SOAT1: variants seen among roughly 807,000 people sequenced by gnomAD.
SOAT1 encodes the protein acyl-coenzyme A:cholesterol acyltransferase 1.
In SOAT1, 55 loss-of-function variants were observed where a neutral mutation model predicts 69.5. The ratio of observed to expected loss-of-function variants is 0.79; its 90% CI spans 0.64 to 0.99. The LOEUF (loss-of-function observed/expected upper bound fraction) is 0.99. SOAT1 is among the 50% of genes least tolerant of loss of function. The pLI, the probability that SOAT1 is intolerant of heterozygous loss-of-function variation, is 0.00. For synonymous variants in SOAT1, 231 were observed against 224.7 expected (o/e 1.03, Z -0.25); for missense variants, 580 against 669.3 (o/e 0.87, Z 1.47).
chr1:179,318,298 T>TA (rs1269215752), intron 2 of SOAT1, among the ~76,000 whole-genome samples: 6 of 151,846 alleles, frequency 4.0e-5, no homozygotes, highest in Admixed American at 1.3e-4. Flanking sequence ...AGTGTGAAAA[T>TA]AAGAAACTGT....
Position 179,300,070 on chromosome 1 carries a change from T to G in SOAT1, c.-8-2607T>G, listed in dbSNP as rs533598735. The stretch of plus-strand genomic sequence containing the variant: ...GCCACCGCACCCGGCTTCATTTTGC[T>G]GTCTTTTATGCTTTAAACTTTTGCT... On this transcript the variant is annotated intron_variant, in intron 1 of 15. Coordinates refer to ENST00000367619, the MANE Select transcript of SOAT1 (RefSeq NM_003101.6). Among the ~76,000 whole-genome samples, 363 of 152,002 alleles carry G rather than the reference T, an allele frequency of 2.4e-3. 3 individuals carry two copies. Among genetic ancestry groups the G allele is most frequent in the African/African-American group, 8.5e-3 (354 of 41,472 alleles).
At chr1:179,349,571 C>T (rs1299209537) in intron 13 of SOAT1, among the ~76,000 whole-genome samples, 1 of 152,132 alleles carries the variant, frequency 6.6e-6, no homozygotes, top group African/African-American at 2.4e-5. Flanking sequence ...AGGTGATCCG[C>T]CCGCCTCAGC....
In SOAT1 at chr1:179,357,156, C is replaced by G. The variant is rs1666935219; in HGVS notation, c.*3515C>G. On this transcript the variant is annotated 3_prime_UTR_variant, in exon 16 of 16. Transcript: ENST00000367619. Reference sequence around the variant, plus strand: ...TATCTTATCTCTAGGCTTTATGGCTCTGAAATGGAGGGAACTGGACATAAA... The same window carrying G: ...TATCTTATCTCTAGGCTTTATGGCTGTGAAATGGAGGGAACTGGACATAAA... 6.5e-6 allele frequency: 1 copy of G among 153,206 alleles called. No homozygotes were observed. The highest frequency in any genetic ancestry group is 2.4e-5 in the African/African-American group (1 of 41,422). 9.5% of individuals were successfully genotyped at this position (153,206 alleles called of 1,614,324 possible).
rs768033670 is a variant in SOAT1, at chr1:179,348,872, A to G, written c.1244A>G (p.Asn415Ser). ...KDWWNSTSYS[N>S]YYRTWNVVVH... ...TGGTGGAACTCCACGTCATACTCCA[A>G]CTATTATAGAACCTGGAATGTGGTG... The change falls in exon 13 of 16, where the codon AAC becomes AGC. Residue 415 changes from asparagine to serine, a missense_variant. Asn to Ser is a conservative substitution (Grantham distance 46). Transcript: ENST00000367619. 6.2e-7 allele frequency: 1 copy of G among 1,610,694 alleles called. No homozygotes were observed. The highest frequency in any genetic ancestry group is 8.5e-7 in the Non-Finnish European group (1 of 1,177,566).
chr1:179,322,550 T>C (rs1439123703), intron 2 of SOAT1, among the ~76,000 whole-genome samples: 1 of 152,156 alleles, frequency 6.6e-6, no homozygotes, highest in Non-Finnish European at 1.5e-5. Flanking sequence ...TAACTTTATC[T>C]GTTGGAATTC....
rs765009104 is a variant in SOAT1 at position 179,302,692 on chromosome 1, G to A, written c.8G>A (p.Gly3Asp). MV[G>D]EEKMSLRNRL... ...TCTTTCCTAGACAATACAATGGTGG[G>A]TGAAGAGAAGATGTCTCTAAGAAAC... Residue 3 changes from glycine (G) to aspartate (D), a missense_variant, in exon 2 of 16, where the codon GGT becomes GAT. Transcript: ENST00000367619. 6.3e-7 allele frequency: 1 copy of A among 1,596,800 alleles called. No homozygotes were observed. The highest frequency in any genetic ancestry group is 8.5e-7 in the Non-Finnish European group (1 of 1,174,982).
chr1:179,300,040 C>T (rs1306688484), intron 1 of SOAT1, among the ~76,000 whole-genome samples: 4 of 151,704 alleles, frequency 2.6e-5, no homozygotes, highest in Non-Finnish European at 5.9e-5. Flanking sequence ...GGATTACAGG[C>T]ATGAGCCACC....
Position 179,358,517 on chromosome 1 carries a change from T to A in SOAT1, c.*4876T>A, listed in dbSNP as rs905357861. ...CATGGAAAAAGGTGCCAATTTTGGA[T>A]TGGGAAAGGAGCTGAAGCCCCAGTC... On this transcript the variant is annotated 3_prime_UTR_variant, in exon 16 of 16. Transcript: ENST00000367619. 9 of 152,186 alleles carry A rather than the reference T, an allele frequency of 5.9e-5. No individual in the cohort carries two copies. Among genetic ancestry groups the A allele is most frequent in the African/African-American group, 1.9e-4 (8 of 41,450 alleles). 9.4% of individuals were successfully genotyped at this position (152,186 alleles called of 1,614,324 possible).
chr1:179,311,574 G>GT (rs201898279), intron 2 of SOAT1, among the ~76,000 whole-genome samples: 1 of 130,910 alleles, frequency 7.6e-6, no homozygotes, highest in East Asian at 3.0e-4. Context: ...CAAAAGGACT[G>GT]TTTTTAAAAA....
intron 3 of SOAT1, among the ~76,000 whole-genome samples, chr1:179,328,437 A>AAG (rs1665859571): frequency 6.6e-6 from 1 of 152,256 alleles, no homozygotes; most frequent in Non-Finnish European, 1.5e-5. Context: ...AGATATTTCA[A>AAG]TATAATAAAG....
chr1:179,294,315 G>GGAT (rs777129207), intron 1 of SOAT1: 1 of 152,202 alleles, frequency 6.6e-6, no homozygotes, highest in Non-Finnish European at 1.5e-5. Context: ...GTGAAGGGAA[G>GGAT]GATGGTATTA....
At chr1:179,327,232 T>C (rs2068234) in intron 3 of SOAT1, among the ~76,000 whole-genome samples, 34,084 of 152,126 alleles carry the variant, frequency 0.22, 4,665 homozygotes, top group East Asian at 0.38. Context: ...ACTTGGCTTG[T>C]TTTTTCACAT....
At chr1:179,295,361 C>T (rs1219399568) in intron 1 of SOAT1, among the ~76,000 whole-genome samples, 1 of 152,210 alleles carries the variant, frequency 6.6e-6, no homozygotes, top group African/African-American at 2.4e-5. Flanking sequence ...CTGGAAATCA[C>T]CCCATCCCCA....
At position 179,344,099 on chromosome 1, in the gene SOAT1, C is replaced by A. The variant is rs188770481; in HGVS notation, c.987+464C>A. 3.9e-3 allele frequency among the ~76,000 whole-genome samples: 597 copies of A among 151,316 alleles called. 2 individuals carry two copies. Among genetic ancestry groups the A allele is most frequent in the Non-Finnish European group, 4.1e-3 (280 of 67,836 alleles). ...TCACTCCTCTGCACTCCAGCCTGGG[C>A]GACAGAGCAAGACTCCATCTAAAAA... On this transcript the variant is annotated intron_variant, in intron 10 of 15. Coordinates refer to ENST00000367619, the MANE Select transcript of SOAT1 (RefSeq NM_003101.6).
intron 3 of SOAT1, among the ~76,000 whole-genome samples, chr1:179,328,133 T>A (rs1665851051): frequency 6.6e-6 from 1 of 152,194 alleles, no homozygotes; most frequent in Non-Finnish European, 1.5e-5. Context: ...AAGGTCTCAC[T>A]ATGTTGCCCA....
At chr1:179,306,207 TAAG>T (rs1338987444) in intron 2 of SOAT1, among the ~76,000 whole-genome samples, 1 of 152,102 alleles carries the variant, frequency 6.6e-6, no homozygotes, top group Non-Finnish European at 1.5e-5. Context: ...CAGAAGTAAG[TAAG>T]AAGATAAGGC....
chr1:179,335,680 T>A, intron 4 of SOAT1, 23 bp downstream of exon 4: 2 of 1,602,368 alleles, frequency 1.2e-6, no homozygotes. Context: ...TATTTTCTTT[T>A]AATGCAAACA....
rs979314178 is a variant in SOAT1, at chr1:179,347,754, A to T, written c.1215+57A>T. 12 of 1,014,830 alleles carry T rather than the reference A, an allele frequency of 1.2e-5. No homozygotes were observed. In the African/African-American group the frequency reaches 1.9e-4, roughly 16 times the overall value. The allele number at this position is 1,014,830 out of a possible 1,614,324, so 62.9% of individuals were successfully genotyped here. On this transcript the variant is annotated intron_variant, in intron 12 of 15. Transcript: ENST00000367619. ...ACATTTTATTAACTTCTTCATTATTAGTATTTTGACATTGTTGGCTAATGT... is the reference window on the plus strand; with the variant it reads ...ACATTTTATTAACTTCTTCATTATTTGTATTTTGACATTGTTGGCTAATGT...
chr1:179,342,266 C>CCTTCCCTT, intron 8 of SOAT1, 74 bp downstream of exon 8: 2 of 864,564 alleles, frequency 2.3e-6, no homozygotes, highest in Non-Finnish European at 3.5e-6. Context: ...CCTTCCCTTC[C>CCTTCCCTT]CTTCCCTTCT....
Sources: gnomAD v4.1 joint callset for allele counts (sites outside exome capture counted in the v4.1 genomes callset) on GRCh38, gnomAD v4.1.1 for gene constraint, MANE v1.5 for transcripts, NCBI Gene and HGNC (gene_info 2026-07-23, HGNC 2026-07-21) for gene names.